APBB2: variants seen among roughly 807,000 people sequenced by gnomAD.
APBB2 encodes the protein Fe65-like 1.
A neutral mutation model predicts 82.5 loss-of-function variants in APBB2; 38 were observed. The ratio of observed to expected loss-of-function variants is 0.46; its 90% CI spans 0.36 to 0.60. APBB2 has a LOEUF of 0.60. Ranked by LOEUF, APBB2 falls within the 20% of genes least tolerant of loss-of-function variation. The pLI is 0.00. For missense variants in APBB2, 772 were observed against 972.3 expected (o/e 0.79, Z 2.74); for synonymous variants, 341 against 368.2 (o/e 0.93, Z 0.85).
At chr4:40,965,894 G>GT (rs1180150526) in intron 6 of APBB2, among the ~76,000 whole-genome samples, 2 of 152,182 alleles carry the variant, frequency 1.3e-5, no homozygotes, top group African/African-American at 4.8e-5. Flanking sequence ...AAAATTCTAG[G>GT]TAAGGAATGG....
intron 2 of APBB2, among the ~76,000 whole-genome samples, chr4:41,104,476 T>C (rs1340533560): frequency 6.6e-6 from 1 of 152,082 alleles, no homozygotes; most frequent in Non-Finnish European, 1.5e-5. Flanking sequence ...AATCTATTCA[T>C]TTTTTTTCTT....
rs1752456775 is a variant in APBB2, at chr4:40,832,715, AC to A, written c.1530-2139del. Among the ~76,000 whole-genome samples, 1 of 152,204 alleles carries A rather than the reference AC, an allele frequency of 6.6e-6. No individual in the cohort carries two copies. Among genetic ancestry groups the A allele is most frequent in the African/African-American group, 2.4e-5 (1 of 41,446 alleles). On this transcript the variant is annotated intron_variant, in intron 12 of 17. Transcript: ENST00000508593. The surrounding 1 kb of genome is among the most constrained non-coding windows in gnomAD (Gnocchi z 4.8). ...TGAGAGCCTGGAAGGTTCCTCGCAC[AC>A]ACAGTACATACACGGGGGCACAGCA... is the stretch of plus-strand genomic sequence containing the variant.
chr4:41,185,825 G>C (rs1772742638), intron 1 of APBB2, among the ~76,000 whole-genome samples: 1 of 152,210 alleles, frequency 6.6e-6, no homozygotes, highest in African/African-American at 2.4e-5. Flanking sequence ...TAAAGTAATA[G>C]AGCTGAGGAG....
chr4:41,084,441 A>G (rs541231687), intron 3 of APBB2, among the ~76,000 whole-genome samples: 1 of 152,350 alleles, frequency 6.6e-6, no homozygotes, highest in Non-Finnish European at 1.5e-5. Flanking sequence ...AGAAAAAGAA[A>G]AAAAAAGAAA....
At chr4:40,949,566 T>A (rs1194984953) in intron 6 of APBB2, among the ~76,000 whole-genome samples, 1 of 152,046 alleles carries the variant, frequency 6.6e-6, no homozygotes, top group East Asian at 1.9e-4. Flanking sequence ...CTCCGATGGT[T>A]ATCACGGTAT....
intron 12 of APBB2, among the ~76,000 whole-genome samples, chr4:40,853,125 C>A (rs377249333): frequency 6.6e-6 from 1 of 152,134 alleles, no homozygotes; most frequent in African/African-American, 2.4e-5. Context: ...GTCAACTTGG[C>A]GAGTTCAACC....
chr4:41,101,470 C>CAAAAAAAAAAAAAAAAA (rs150527764), intron 2 of APBB2, among the ~76,000 whole-genome samples: 2 of 72,524 alleles, frequency 2.8e-5, no homozygotes, highest in African/African-American at 5.6e-5. Flanking sequence ...GACTCCGTCT[C>CAAAAAAAAAAAAAAAAA]AAAAAAAAAA....
At chr4:40,922,286 G>C (rs1781456937) in intron 10 of APBB2, among the ~76,000 whole-genome samples, 1 of 152,128 alleles carries the variant, frequency 6.6e-6, no homozygotes, top group Non-Finnish European at 1.5e-5. Flanking sequence ...GCATTATTTT[G>C]TTTCCTTCCC....
chr4:41,004,253 G>A (rs1424354114), intron 6 of APBB2, among the ~76,000 whole-genome samples: 1 of 152,068 alleles, frequency 6.6e-6, no homozygotes, highest in Non-Finnish European at 1.5e-5. Flanking sequence ...CCAAGTGTGT[G>A]ATAATTTGTT....
intron 3 of APBB2, among the ~76,000 whole-genome samples, chr4:41,068,708 T>C (rs139456442): frequency 2.3e-3 from 352 of 152,094 alleles, no homozygotes; most frequent in African/African-American, 7.9e-3. Flanking sequence ...TGTCTTTTCT[T>C]AAAATGATCT....
chr4:40,886,077 G>A (rs1770145807), intron 12 of APBB2, among the ~76,000 whole-genome samples: 1 of 152,172 alleles, frequency 6.6e-6, no homozygotes, highest in Admixed American at 6.5e-5. Flanking sequence ...CAGACTATAG[G>A]GCTCATTGGC....
intron 10 of APBB2, among the ~76,000 whole-genome samples, chr4:40,920,974 G>T (rs1781107383): frequency 6.6e-6 from 1 of 152,144 alleles, no homozygotes; most frequent in African/African-American, 2.4e-5. Context: ...AGACTGCCTG[G>T]GTTCAAATCT....
chr4:40,961,859 G>A (rs1793397917), intron 6 of APBB2, among the ~76,000 whole-genome samples: 1 of 152,000 alleles, frequency 6.6e-6, no homozygotes, highest in Non-Finnish European at 1.5e-5. Flanking sequence ...GCAGACAAAT[G>A]CAGACCAAAT....
In APBB2 at chr4:41,111,667, CA is replaced by C. The variant is rs544752127; in HGVS notation, c.-260-10918del. ...AATGCTCTCTCTATATATACATGCACAAAAAAAACTGCATATTTGGACATTT... is the reference window on the plus strand; with the variant it reads ...AATGCTCTCTCTATATATACATGCACAAAAAAACTGCATATTTGGACATTT... On this transcript the variant is annotated intron_variant, in intron 2 of 17. Transcript: ENST00000508593. 5.7e-4 allele frequency among the ~76,000 whole-genome samples: 86 copies of C among 151,940 alleles called. No homozygotes were observed. The Middle Eastern group carries it at 0.01, about 18-fold the overall frequency.
chr4:41,085,354 G>C (rs1253014779), intron 3 of APBB2, among the ~76,000 whole-genome samples: 1 of 152,036 alleles, frequency 6.6e-6, no homozygotes, highest in Non-Finnish European at 1.5e-5. Context: ...TGGGGGTATA[G>C]GGTATAGAGA....
chr4:41,097,040 CATAA>C, intron 3 of APBB2, among the ~76,000 whole-genome samples: 2 of 152,304 alleles, frequency 1.3e-5, no homozygotes, highest in South Asian at 2.1e-4. Flanking sequence ...TAGTTTGCTC[CATAA>C]ATAAATTATA....
chr4:40,816,854 T>C (rs138844236), intron 17 of APBB2, among the ~76,000 whole-genome samples: 11 of 152,316 alleles, frequency 7.2e-5, no homozygotes, highest in Admixed American at 1.3e-4. Flanking sequence ...GAAATGTTTG[T>C]TTCCTTCCCT....
intron 1 of APBB2, among the ~76,000 whole-genome samples, chr4:41,169,053 C>T (rs1052261839): frequency 6.6e-6 from 1 of 151,858 alleles, no homozygotes; most frequent in African/African-American, 2.4e-5. Flanking sequence ...GGCATGGTGG[C>T]GCACACCTAC....
intron 11 of APBB2, chr4:40,891,060 C>T (rs1771878977): frequency 6.6e-6 from 1 of 152,382 alleles, no homozygotes; most frequent in South Asian, 2.1e-4. Context: ...GCTTAAGGTG[C>T]ACTGGCTCAT....
Sources: gnomAD v4.1 joint callset for allele counts (sites outside exome capture counted in the v4.1 genomes callset) on GRCh38, gnomAD v4.1.1 for gene constraint, Gnocchi (gnomAD v3.1) non-coding constraint, MANE v1.5 for transcripts, NCBI Gene and HGNC (gene_info 2026-07-23, HGNC 2026-07-21) for gene names.